Variants in PTPRD observed in about 807,000 individuals in gnomAD.
The protein encoded by PTPRD is receptor-type tyrosine-protein phosphatase delta.
In PTPRD, 34 loss-of-function variants were observed where a neutral mutation model predicts 214.5. That is an observed-to-expected ratio of 0.16 (90% confidence interval 0.12 to 0.21). The LOEUF is 0.21. Ranked by LOEUF, PTPRD falls within the 10% of genes least tolerant of loss-of-function variation. PTPRD has a pLI of 1.00. For missense variants in PTPRD, 2,545 were observed against 2,398.7 expected (o/e 1.06, Z -1.27); for synonymous variants, 1,128 against 845.7 (o/e 1.33, Z -5.79).
intron 10 of PTPRD, among the ~76,000 whole-genome samples, chr9:9,134,368 C>T (rs1444737473): frequency 1.5e-5 from 2 of 136,862 alleles, no homozygotes; most frequent in Non-Finnish European, 3.0e-5. Context: ...CCACCGCGCC[C>T]GTAGAATCAT....
intron 5 of PTPRD, among the ~76,000 whole-genome samples, chr9:9,820,047 C>A (rs2050181501): frequency 6.6e-6 from 1 of 152,118 alleles, no homozygotes; most frequent in African/African-American, 2.4e-5. Context: ...GTTCTATGTT[C>A]TTTGAGAAGT....
chr9:10,435,646 T>C (rs948399360), intron 2 of PTPRD, among the ~76,000 whole-genome samples: 1 of 151,940 alleles, frequency 6.6e-6, no homozygotes, highest in South Asian at 2.1e-4. Flanking sequence ...ACTTTAAGAA[T>C]TGCTTACAGC....
intron 44 of PTPRD, among the ~76,000 whole-genome samples, chr9:8,323,408 A>C (rs1209648678): frequency 6.6e-6 from 1 of 152,186 alleles, no homozygotes; most frequent in Non-Finnish European, 1.5e-5. Flanking sequence ...GATTTCTCTG[A>C]TAGGTCTGGG....
At chr9:8,653,078 G>A (rs2096844743) in intron 12 of PTPRD, among the ~76,000 whole-genome samples, 1 of 152,098 alleles carries the variant, frequency 6.6e-6, no homozygotes, top group Non-Finnish European at 1.5e-5. Flanking sequence ...ACTGTCTGAA[G>A]TTTTTTGGTA....
chr9:8,870,271 C>T (rs1050234172), intron 11 of PTPRD, among the ~76,000 whole-genome samples: 3 of 151,754 alleles, frequency 2.0e-5, no homozygotes, highest in African/African-American at 7.3e-5. Context: ...TCAAACAGAC[C>T]CCTCAAAATA....
At chr9:8,957,089 C>T (rs1043730750) in intron 11 of PTPRD, among the ~76,000 whole-genome samples, 1 of 151,882 alleles carries the variant, frequency 6.6e-6, no homozygotes, top group African/African-American at 2.4e-5. Flanking sequence ...TTTACTACAT[C>T]AGTAGTCAAA....
chr9:8,942,120 T>C (rs957882107), intron 11 of PTPRD, among the ~76,000 whole-genome samples: 1 of 152,194 alleles, frequency 6.6e-6, no homozygotes, highest in Non-Finnish European at 1.5e-5. Flanking sequence ...ATAAAGGTCT[T>C]AATGCAACCT....
intron 8 of PTPRD, among the ~76,000 whole-genome samples, chr9:9,517,174 G>C (rs2154251056): frequency 1.3e-5 from 2 of 152,130 alleles, no homozygotes; most frequent in Non-Finnish European, 2.9e-5. Context: ...TAACTTGTGA[G>C]GCACTGTGCC....
chr9:10,284,719 C>G (rs1160783407), intron 3 of PTPRD, among the ~76,000 whole-genome samples: 1 of 152,132 alleles, frequency 6.6e-6, no homozygotes, highest in East Asian at 1.9e-4. Flanking sequence ...TTGGTTGTCA[C>G]CAGGATTCAT....
At chr9:9,344,948 C>T (rs1034854358) in intron 9 of PTPRD, among the ~76,000 whole-genome samples, 2 of 151,954 alleles carry the variant, frequency 1.3e-5, no homozygotes, top group African/African-American at 4.8e-5. Context: ...AAAAATGTTA[C>T]TTTGTTACTA....
intron 4 of PTPRD, among the ~76,000 whole-genome samples, chr9:10,025,901 G>A (rs1326363830): frequency 1.3e-5 from 2 of 152,026 alleles, no homozygotes; most frequent in African/African-American, 4.8e-5. Context: ...AAATATAAAG[G>A]GTAAGAAAAG....
chr9:9,900,814 T>C (rs2076232719), intron 5 of PTPRD, among the ~76,000 whole-genome samples: 1 of 152,000 alleles, frequency 6.6e-6, no homozygotes, highest in Non-Finnish European at 1.5e-5. Context: ...CTTTGGTATT[T>C]TTAGTAAAGA....
chr9:8,383,561 T>G (rs2085885665), intron 37 of PTPRD, among the ~76,000 whole-genome samples: 1 of 152,202 alleles, frequency 6.6e-6, no homozygotes, highest in African/African-American at 2.4e-5. Flanking sequence ...TCATCTGGTT[T>G]GTATGATTCC....
chr9:10,001,279 G>A lies in PTPRD; in HGVS notation c.-472+32439C>T, dbSNP rs372403974. Among the ~76,000 whole-genome samples, 188 of 152,118 alleles carry A rather than the reference G, an allele frequency of 1.2e-3. 5 individuals carry two copies. The South Asian group carries it at 0.035, about 28-fold the overall frequency. The stretch of plus-strand genomic sequence containing the variant: ...TGAACCGAGCCCCCAAAACCTGTGG[G>A]ATAAAGTATATCAGCACATATAAAA... On this transcript the variant is annotated intron_variant, in intron 4 of 45. Coordinates refer to ENST00000381196, the MANE Select transcript of PTPRD (RefSeq NM_002839.4).
chr9:8,883,142 G>T (rs1003089009), intron 11 of PTPRD, among the ~76,000 whole-genome samples: 1 of 152,108 alleles, frequency 6.6e-6, no homozygotes, highest in Admixed American at 6.5e-5. Flanking sequence ...GTCAGGTATT[G>T]TGCCAATTGG....
chr9:8,486,071 C>T lies in PTPRD; in HGVS notation c.2746G>A (p.Glu916Lys), dbSNP rs2135945880. The change falls in exon 28 of 46, where the codon GAA becomes AAA. Residue 916 changes from glutamate (E) to lysine (K), a missense_variant. Glu to Lys is a moderately conservative substitution (Grantham distance 56, BLOSUM62 1). Coordinates refer to ENST00000381196, the MANE Select transcript of PTPRD (RefSeq NM_002839.4). ...EMVKEISIPE[E>K]VPTGFPQNLH... ...TTTTGAGGGAATCCAGTTGGTACTT[C>T]TTCTGGAATGGAAATCTCCTTCACC... The T allele has an allele frequency of 6.2e-7, 1 of 1,614,170 alleles. No homozygotes were observed. The highest frequency in any genetic ancestry group is 1.1e-5 in the South Asian group (1 of 91,082).
chr9:8,712,994 T>C (rs138050607), intron 12 of PTPRD, among the ~76,000 whole-genome samples: 2,658 of 152,294 alleles, frequency 0.017, 84 homozygotes, highest in African/African-American at 0.06. Flanking sequence ...GCTGGGATTA[T>C]AGGCGTGAGC....
At chr9:9,917,916 A>G (rs981156551) in intron 5 of PTPRD, among the ~76,000 whole-genome samples, 8 of 98,674 alleles carry the variant, frequency 8.1e-5, no homozygotes, top group African/African-American at 3.7e-4. Context: ...TAAAAGGAAC[A>G]TATCTCAGCA....
intron 9 of PTPRD, among the ~76,000 whole-genome samples, chr9:9,323,944 G>C (rs1317101510): frequency 2.6e-5 from 4 of 152,114 alleles, no homozygotes; most frequent in East Asian, 1.9e-4. Context: ...GGAGTGTTTG[G>C]TTTTCTGTCC....
Sources: gnomAD v4.1 joint callset for allele counts (sites outside exome capture counted in the v4.1 genomes callset) on GRCh38, gnomAD v4.1.1 for gene constraint, MANE v1.5 for transcripts, NCBI Gene and HGNC (gene_info 2026-07-23, HGNC 2026-07-21) for gene names.